The following PPP1R1C variants were observed in gnomAD, a reference collection of about 807,000 sequenced individuals.
PPP1R1C encodes the protein protein phosphatase 1 regulatory inhibitor subunit 1C.
Under a neutral mutation model 17.4 loss-of-function variants are expected in PPP1R1C, and 15 were observed. The observed-to-expected ratio is 0.86, with a 90% CI of 0.58 to 1.33. PPP1R1C has a LOEUF of 1.33. Among genes scored for constraint, PPP1R1C ranks in the 40% most tolerant of loss-of-function variants. The pLI is 0.00. For synonymous variants in PPP1R1C, 35 were observed against 43.1 expected (o/e 0.81, Z 0.73); for missense variants, 143 against 130.0 (o/e 1.10, Z -0.48).
chr2:182,062,754 T>TG (rs1687885396), intron 3 of PPP1R1C, among the ~76,000 whole-genome samples: 1 of 152,152 alleles, frequency 6.6e-6, no homozygotes, highest in African/African-American at 2.4e-5. Context: ...TATTTACAAC[T>TG]TTGTAAAACA....
chr2:182,118,970 T>G (rs180942263), downstream of PPP1R1C, among the ~76,000 whole-genome samples: 1 of 152,018 alleles, frequency 6.6e-6, no homozygotes. Flanking sequence ...TTGTTACATA[T>G]GTATACATGT....
intron 2 of PPP1R1C, among the ~76,000 whole-genome samples, chr2:181,979,764 G>A (rs768199024): frequency 6.6e-6 from 1 of 152,212 alleles, no homozygotes; most frequent in African/African-American, 2.4e-5. Flanking sequence ...CTGTCTCTAT[G>A]TAAAAATCAC....
At chr2:182,130,754 T>C (rs1689989288), downstream of PPP1R1C, 1 of 152,226 alleles carries the variant, frequency 6.6e-6, no homozygotes, top group African/African-American at 2.4e-5. Context: ...CATAGATTTT[T>C]CTGTTTTGAA....
chr2:182,021,505 T>G (rs1374311256), intron 2 of PPP1R1C, among the ~76,000 whole-genome samples: 1 of 151,962 alleles, frequency 6.6e-6, no homozygotes, highest in African/African-American at 2.4e-5. Context: ...TTTTTGTATT[T>G]TTAGTAGAGA....
At chr2:181,963,066 A>G (rs866841726) in intron 1 of PPP1R1C, among the ~76,000 whole-genome samples, 1 of 152,194 alleles carries the variant, frequency 6.6e-6, no homozygotes, top group Non-Finnish European at 1.5e-5. Context: ...CATTCAAGGC[A>G]AGTTTCTATG....
chr2:181,977,259 T>C (rs1398958803), intron 2 of PPP1R1C, among the ~76,000 whole-genome samples: 1 of 151,834 alleles, frequency 6.6e-6, no homozygotes, highest in African/African-American at 2.4e-5. Context: ...TTTTAGATGT[T>C]TGTAATTACA....
chr2:182,045,754 G>T (rs1488955852), intron 2 of PPP1R1C, among the ~76,000 whole-genome samples: 1 of 151,962 alleles, frequency 6.6e-6, no homozygotes, highest in Non-Finnish European at 1.5e-5. Flanking sequence ...ATGCAAAAGG[G>T]TTTGGAAAAA....
At chr2:182,083,665 G>A (rs1006616572) in intron 4 of PPP1R1C, among the ~76,000 whole-genome samples, 1 of 152,090 alleles carries the variant, frequency 6.6e-6, no homozygotes, top group East Asian at 1.9e-4. Context: ...ATCATTGGTT[G>A]ATGGGCACTT....
At chr2:182,109,683 C>G (rs947827052) in intron 4 of PPP1R1C, among the ~76,000 whole-genome samples, 3 of 152,168 alleles carry the variant, frequency 2.0e-5, no homozygotes, top group South Asian at 2.1e-4. Context: ...TCTGGACTCT[C>G]TATGCTGTTC....
intron 4 of PPP1R1C, among the ~76,000 whole-genome samples, chr2:182,093,103 C>T (rs1405935960): frequency 6.6e-6 from 1 of 152,218 alleles, no homozygotes; most frequent in Non-Finnish European, 1.5e-5. Context: ...GCCTGGACAT[C>T]CATGCATTTC....
chr2:182,000,445 A>G (rs1017246317), intron 2 of PPP1R1C, among the ~76,000 whole-genome samples: 23 of 152,122 alleles, frequency 1.5e-4, no homozygotes, highest in African/African-American at 5.6e-4. Context: ...CTGAGGGTGG[A>G]GATTTTGGGC....
chr2:182,051,255 A>G (rs559478089), intron 2 of PPP1R1C, among the ~76,000 whole-genome samples: 1 of 152,326 alleles, frequency 6.6e-6, no homozygotes, highest in South Asian at 2.1e-4. Context: ...TAGAAGAAAA[A>G]CTTAAATGCT....
intron 2 of PPP1R1C, among the ~76,000 whole-genome samples, chr2:182,028,623 T>C (rs1450507997): frequency 6.6e-6 from 1 of 152,088 alleles, no homozygotes; most frequent in Non-Finnish European, 1.5e-5. Flanking sequence ...AGGAAAGCTT[T>C]ACTTCCAAGT....
At chr2:182,046,955 A>G (rs1230184993) in intron 2 of PPP1R1C, among the ~76,000 whole-genome samples, 11 of 152,114 alleles carry the variant, frequency 7.2e-5, no homozygotes, top group Admixed American at 6.5e-4. Context: ...TTAGCGACCT[A>G]TGTGGAAAAA....
intron 4 of PPP1R1C, chr2:182,103,487 T>A (rs1490603590): frequency 6.6e-6 from 1 of 152,186 alleles, no homozygotes; most frequent in Non-Finnish European, 1.5e-5. Context: ...GGCTGTGATG[T>A]TACATGTGGA....
intron 4 of PPP1R1C, among the ~76,000 whole-genome samples, chr2:182,115,756 C>G (rs1689561864): frequency 6.6e-6 from 1 of 152,104 alleles, no homozygotes; most frequent in Non-Finnish European, 1.5e-5. Flanking sequence ...TTTTTGCAAT[C>G]CATGAAGTCC....
intron 4 of PPP1R1C, among the ~76,000 whole-genome samples, chr2:182,083,412 C>T (rs1211745403): frequency 6.6e-6 from 1 of 152,056 alleles, no homozygotes; most frequent in Non-Finnish European, 1.5e-5. Context: ...TCTCATCCTG[C>T]CCATTTCTGA....
At chr2:181,990,528 G>T (rs1685446622) in intron 2 of PPP1R1C, among the ~76,000 whole-genome samples, 1 of 152,136 alleles carries the variant, frequency 6.6e-6, no homozygotes, top group African/African-American at 2.4e-5. Flanking sequence ...GATCAAAAGA[G>T]TTACCATGAA....
At chr2:182,000,956 G>A (rs1685743697) in intron 2 of PPP1R1C, among the ~76,000 whole-genome samples, 1 of 152,108 alleles carries the variant, frequency 6.6e-6, no homozygotes, top group Non-Finnish European at 1.5e-5. Context: ...CTCTGAGGAT[G>A]GAGCAACCCT....
Sources: allele counts gnomAD v4.1 joint callset (sites outside exome capture counted in the v4.1 genomes callset), GRCh38; gene constraint gnomAD v4.1.1; transcripts MANE v1.5; gene names NCBI Gene and HGNC (gene_info 2026-07-23, HGNC 2026-07-21).